AHCTF1: variants seen among roughly 807,000 people sequenced by gnomAD.
AHCTF1 encodes the protein AT-hook containing transcription factor 1, also known as protein ELYS.
Under a neutral mutation model 248.4 loss-of-function variants are expected in AHCTF1, and 24 were observed. The observed-to-expected ratio is 0.10, with a 90% CI of 0.07 to 0.14. The LOEUF (loss-of-function observed/expected upper bound fraction) is 0.14, where lower values mean the gene tolerates loss of function less well. Among genes scored for constraint, AHCTF1 ranks in the 10% least tolerant of loss-of-function variants. The pLI, the probability that AHCTF1 is intolerant of heterozygous loss-of-function variation, is 1.00. For synonymous variants in AHCTF1, 786 were observed against 929.8 expected (o/e 0.85, Z 2.81); for missense variants, 2,206 against 2,636.2 (o/e 0.84, Z 3.57).
At chr1:246,905,091 TA>T (rs1404315707) in intron 6 of AHCTF1, among the ~76,000 whole-genome samples, 1 of 152,238 alleles carries the variant, frequency 6.6e-6, no homozygotes, top group Non-Finnish European at 1.5e-5. Context: ...ATTTAACTTT[TA>T]AAATAATTTC....
At chr1:246,888,862 C>T (rs1664009061) in intron 17 of AHCTF1, among the ~76,000 whole-genome samples, 1 of 152,088 alleles carries the variant, frequency 6.6e-6, no homozygotes, top group Non-Finnish European at 1.5e-5. Context: ...TATACACATG[C>T]CACTGCACTG....
At chr1:246,891,593 A>G (rs1664209232) in intron 15 of AHCTF1, among the ~76,000 whole-genome samples, 186 bp downstream of exon 15, 1 of 152,224 alleles carries the variant, frequency 6.6e-6, no homozygotes, top group Admixed American at 6.5e-5. Context: ...GCATGGGCTC[A>G]TGGCATGTCT....
At position 246,887,315 on chromosome 1, in the gene AHCTF1, T is replaced by C. The variant is rs1558248931; in HGVS notation, c.2368A>G (p.Lys790Glu). 6.2e-7 allele frequency: 1 copy of C among 1,613,312 alleles called. No individual in the cohort carries two copies. The highest frequency in any genetic ancestry group is 1.7e-4 in the Middle Eastern group (1 of 6,054). The stretch of plus-strand genomic sequence containing the variant: ...AAAGATTCAATGGGAGTGTCTGTTT[T>C]GTTGGGAAAGGAATACATAATATCA... ...LLDIMYSFPN[K>E]TDTPIESFPT... Residue 790 changes from lysine to glutamate, a missense_variant, in exon 20 of 36, where the codon AAA becomes GAA. This residue lies in a region of AHCTF1 where 650 missense variants were observed against 870.8 expected (regional missense o/e 0.75). Coordinates refer to ENST00000648844, the MANE Select transcript of AHCTF1 (RefSeq NM_001323342.2).
rs1266922153 is a variant in AHCTF1, at chr1:246,843,792, T to C, written c.6525+3A>G. On this transcript the variant is annotated splice_donor_region_variant and intron_variant, in intron 34 of 35. Coordinates refer to ENST00000648844, the MANE Select transcript of AHCTF1 (RefSeq NM_001323342.2). ...CATACAAATAAAATCATGCATTTCTTACCAGTTCATCTTCAAGCTTGTTCT... is the reference window on the plus strand; with the variant it reads ...CATACAAATAAAATCATGCATTTCTCACCAGTTCATCTTCAAGCTTGTTCT... The C allele has an allele frequency of 7.1e-7, 1 of 1,418,174 alleles. No individual in the cohort carries two copies. Among genetic ancestry groups the C allele is most frequent in the Non-Finnish European group, 9.3e-7 (1 of 1,080,714 alleles). 87.8% of individuals were successfully genotyped at this position (1,418,174 alleles called of 1,614,324 possible). A position where few individuals can be genotyped will look rare whatever the true frequency, so the allele number is the denominator to read the frequency against.
intron 26 of AHCTF1, 59 bp downstream of exon 26, chr1:246,867,185 T>G: frequency 1.1e-6 from 1 of 879,112 alleles, no homozygotes; most frequent in Non-Finnish European, 1.7e-6. Context: ...TAATTAAAAA[T>G]TACAATTGTA....
chr1:246,902,187 C>T (rs1012822149), intron 8 of AHCTF1, among the ~76,000 whole-genome samples: 9 of 152,174 alleles, frequency 5.9e-5, no homozygotes, highest in African/African-American at 9.6e-5. Context: ...AGAAAACATT[C>T]AAGACAACCA....
intron 21 of AHCTF1, among the ~76,000 whole-genome samples, chr1:246,884,004 G>A (rs1015438769): frequency 8.5e-5 from 13 of 152,048 alleles, no homozygotes; most frequent in Admixed American, 2.0e-4. Context: ...CCTTTCTGAC[G>A]TAAGCATTAG....
At chr1:246,911,775 C>T (rs754238130) in intron 4 of AHCTF1, among the ~76,000 whole-genome samples, 2 of 152,132 alleles carry the variant, frequency 1.3e-5, no homozygotes, top group South Asian at 2.1e-4. Flanking sequence ...TGAGCCACGG[C>T]GCCCAGCTCT....
chr1:246,915,061 G>T (rs1455259082), intron 3 of AHCTF1, among the ~76,000 whole-genome samples: 3 of 152,206 alleles, frequency 2.0e-5, no homozygotes, highest in Non-Finnish European at 4.4e-5. Context: ...GCCGGGCGTG[G>T]TGGCTCATGC....
intron 1 of AHCTF1, among the ~76,000 whole-genome samples, chr1:246,918,996 A>G (rs1272013721): frequency 6.6e-6 from 1 of 152,246 alleles, no homozygotes; most frequent in Non-Finnish European, 1.5e-5. Flanking sequence ...TTTGGTACAT[A>G]TCTTTTGCAG....
rs1660555647 is a variant in AHCTF1, at chr1:246,849,724, G to C, written c.6282C>G (p.Ser2094=). The change falls in exon 33 of 36, where the codon TCC becomes TCG. Residue 2094 remains serine (S), a synonymous_variant. Transcript: ENST00000648844. ...TGCTAGACCGAGTCCTGCTGCTGCGGGATGATTTAGTGAAGGAAGCTGTGG... is the reference window on the plus strand; with the variant it reads ...TGCTAGACCGAGTCCTGCTGCTGCGCGATGATTTAGTGAAGGAAGCTGTGG... ...LLATASFTKS[S]RSSRTRSSKA... 1.2e-6 allele frequency: 2 copies of C among 1,613,966 alleles called. No homozygotes were observed. The highest frequency in any genetic ancestry group is 1.7e-5 in the Admixed American group (1 of 60,014).
intron 1 of AHCTF1, among the ~76,000 whole-genome samples, chr1:246,924,361 T>C (rs1485000766): frequency 6.6e-6 from 1 of 152,218 alleles, no homozygotes; most frequent in Non-Finnish European, 1.5e-5. Context: ...CAGAGATATC[T>C]GAAATATTCA....
chr1:246,917,476 C>T (rs1666227350), intron 2 of AHCTF1, among the ~76,000 whole-genome samples: 1 of 152,194 alleles, frequency 6.6e-6, no homozygotes. Context: ...AAGATCCTTT[C>T]TGCCACTTAC....
At chr1:246,920,995 G>A (rs1666508467) in intron 1 of AHCTF1, among the ~76,000 whole-genome samples, 1 of 151,414 alleles carries the variant, frequency 6.6e-6, no homozygotes, top group Admixed American at 6.6e-5. Context: ...AGGAGGCTGA[G>A]GCAGGAGAAT....
At chr1:246,863,351 G>C (rs887941389) in intron 27 of AHCTF1, among the ~76,000 whole-genome samples, 1 of 151,526 alleles carries the variant, frequency 6.6e-6, no homozygotes, top group African/African-American at 2.4e-5. Context: ...CATTAGTCAA[G>C]GGGCTAGGGA....
intron 33 of AHCTF1, among the ~76,000 whole-genome samples, chr1:246,844,136 G>C (rs1371291021): frequency 6.6e-6 from 1 of 152,152 alleles, no homozygotes; most frequent in Non-Finnish European, 1.5e-5. Flanking sequence ...AAATGTGTAG[G>C]ACGATTGAAT....
At chr1:246,928,164 G>A (rs567431372) in intron 1 of AHCTF1, among the ~76,000 whole-genome samples, 32 of 151,756 alleles carry the variant, frequency 2.1e-4, no homozygotes, top group African/African-American at 6.8e-4. Context: ...TTAGCCGGGC[G>A]TGGTGGTGGG....
chr1:246,876,926 A>T, intron 23 of AHCTF1, 24 bp downstream of exon 23: 6 of 1,610,066 alleles, frequency 3.7e-6, no homozygotes, highest in Non-Finnish European at 5.1e-6. Flanking sequence ...CTTATCCCCC[A>T]TAATAAGACA....
intron 11 of AHCTF1, among the ~76,000 whole-genome samples, chr1:246,899,179 C>T (rs1047685701): frequency 6.6e-6 from 1 of 151,950 alleles, no homozygotes; most frequent in Admixed American, 6.6e-5. Context: ...TGCATTACTT[C>T]ATTTCCTCAT....
Sources: gnomAD v4.1 joint callset for allele counts (sites outside exome capture counted in the v4.1 genomes callset) on GRCh38, gnomAD v4.1.1 for gene constraint, gnomAD v4.1.1 regional missense constraint, MANE v1.5 for transcripts, NCBI Gene and HGNC (gene_info 2026-07-23, HGNC 2026-07-21) for gene names.